Variants in PPP2R2C observed in about 807,000 individuals in gnomAD.
PPP2R2C encodes the protein protein phosphatase 2 regulatory subunit Bgamma, also known as protein phosphatase 2, regulatory subunit B, gamma.
PPP2R2C carries 10 observed loss-of-function variants against 45.3 expected under a neutral mutation model. The ratio of observed to expected loss-of-function variants is 0.22; its 90% confidence interval spans 0.14 to 0.37. PPP2R2C has a LOEUF of 0.37. Among genes scored for constraint, PPP2R2C ranks in the 10% least tolerant of loss-of-function variants. The pLI, the probability that PPP2R2C is intolerant of heterozygous loss-of-function variation, is 1.00. For missense variants in PPP2R2C, 308 were observed against 619.7 expected (o/e 0.50, Z 5.34); for synonymous variants, 257 against 245.4 (o/e 1.05, Z -0.44).
chr4:6,554,957 A>AAG (rs1396627396), intron 1 of PPP2R2C, among the ~76,000 whole-genome samples: 3,090 of 124,412 alleles, frequency 0.025, 26 homozygotes, highest in Admixed American at 0.042. Flanking sequence ...GAAAGAAAGA[A>AAG]AGAAAGAAAG....
intron 6 of PPP2R2C, among the ~76,000 whole-genome samples, chr4:6,334,898 C>T (rs1732722634): frequency 2.6e-5 from 4 of 152,290 alleles, no homozygotes; most frequent in South Asian, 4.1e-4. Context: ...GCCACAAGGG[C>T]TCGTGTCCTG....
intron 1 of PPP2R2C, among the ~76,000 whole-genome samples, chr4:6,390,357 C>T (rs1716524219): frequency 6.6e-6 from 1 of 152,180 alleles, no homozygotes; most frequent in African/African-American, 2.4e-5. Context: ...TTCCAGACTG[C>T]CCTGTGAAGG....
Position 6,396,660 on chromosome 4 carries a change from T to C in PPP2R2C, c.71-15566A>G, listed in dbSNP as rs1717053981. Among the ~76,000 whole-genome samples the C allele has an allele frequency of 4.6e-5, 7 of 152,248 alleles. No individual in the cohort carries two copies. The South Asian group carries it at 1.4e-3, about 31-fold the overall frequency. ...CCATGATCTCATTTAAGGGTGTTGATGATGCCTTAAGGTGTGGGCATTATT... is the reference window on the plus strand; with the variant it reads ...CCATGATCTCATTTAAGGGTGTTGACGATGCCTTAAGGTGTGGGCATTATT... On this transcript the variant is annotated intron_variant, in intron 1 of 8. Transcript: ENST00000382599.
chr4:6,537,610 G>A (rs1289171351), intron 1 of PPP2R2C, among the ~76,000 whole-genome samples: 1 of 150,050 alleles, frequency 6.7e-6, no homozygotes, highest in East Asian at 2.0e-4. Context: ...GAGTGCAGTG[G>A]TGCCATCTCG....
At chr4:6,485,123 A>G (rs779800449) in intron 2 of PPP2R2C, among the ~76,000 whole-genome samples, 1 of 151,932 alleles carries the variant, frequency 6.6e-6, no homozygotes, top group Admixed American at 6.5e-5. Flanking sequence ...TATCAAGAAT[A>G]AAGGTTGGTT....
chr4:6,327,026 G>A (rs527884740), intron 8 of PPP2R2C, among the ~76,000 whole-genome samples: 2 of 152,202 alleles, frequency 1.3e-5, no homozygotes, highest in Non-Finnish European at 2.9e-5. Context: ...GCAGGACCCA[G>A]GGTCTGTTTA....
intron 1 of PPP2R2C, among the ~76,000 whole-genome samples, chr4:6,423,583 A>G (rs1461221024): frequency 6.6e-6 from 1 of 152,270 alleles, no homozygotes; most frequent in Non-Finnish European, 1.5e-5. Flanking sequence ...GGGGAGGCGA[A>G]GCCCAAACAG....
chr4:6,481,920 A>G (rs1385322473), intron 2 of PPP2R2C, among the ~76,000 whole-genome samples: 1 of 137,718 alleles, frequency 7.3e-6, no homozygotes, highest in East Asian at 2.2e-4. Context: ...CAGAGGCTGC[A>G]GTGAGCCGAG....
At chr4:6,453,411 C>T (rs1423786486) in intron 1 of PPP2R2C, among the ~76,000 whole-genome samples, 1 of 152,192 alleles carries the variant, frequency 6.6e-6, no homozygotes, top group African/African-American at 2.4e-5. Flanking sequence ...CCAGCCACCC[C>T]AGCTCTGCCT....
At chr4:6,547,874 G>T (rs749464753) in intron 1 of PPP2R2C, among the ~76,000 whole-genome samples, 7 of 152,090 alleles carry the variant, frequency 4.6e-5, no homozygotes, top group Non-Finnish European at 8.8e-5. Context: ...TCTCAGATAA[G>T]CACATAAAAA....
chr4:6,493,862 C>A (rs1278124577), intron 2 of PPP2R2C, among the ~76,000 whole-genome samples: 3 of 152,170 alleles, frequency 2.0e-5, no homozygotes, highest in African/African-American at 4.8e-5. Context: ...AATCACACAG[C>A]CTCGGTGTAT....
chr4:6,395,498 C>T (rs548392269), intron 1 of PPP2R2C, among the ~76,000 whole-genome samples: 3 of 152,204 alleles, frequency 2.0e-5, no homozygotes, highest in Non-Finnish European at 4.4e-5. Flanking sequence ...TGTGGAGAGG[C>T]TCCGTGTCTC....
At chr4:6,475,254 C>T (rs554347403), upstream of PPP2R2C, among the ~76,000 whole-genome samples, 36 of 151,114 alleles carry the variant, frequency 2.4e-4, no homozygotes, top group South Asian at 5.5e-3. Flanking sequence ...TAGAAAGGAA[C>T]GGGGAGGAGG....
Position 6,345,324 on chromosome 4 carries a change from G to A in PPP2R2C, c.790+2522C>T, listed in dbSNP as rs549473922. Among the ~76,000 whole-genome samples the A allele has an allele frequency of 6.6e-6, 1 of 152,306 alleles. No individual in the cohort carries two copies. The highest frequency in any genetic ancestry group is 6.5e-5 in the Admixed American group (1 of 15,296). ...CGGGAGGCGTAGGTGGGGGGGCAGT[G>A]TCCTGTAGTAGGCGGTGGAACGGCC... On this transcript the variant is annotated intron_variant, in intron 6 of 8. Coordinates refer to ENST00000382599, the MANE Select transcript of PPP2R2C (RefSeq NM_020416.4). The surrounding 1 kb of genome is among the most constrained non-coding windows in gnomAD (Gnocchi z 5.3).
chr4:6,390,236 C>A (rs58960361), intron 1 of PPP2R2C, among the ~76,000 whole-genome samples: 35,576 of 151,726 alleles, frequency 0.23, 4,627 homozygotes, highest in African/African-American at 0.36. Flanking sequence ...GCTGGGGGTG[C>A]ACACACTGTG....
intron 2 of PPP2R2C, among the ~76,000 whole-genome samples, chr4:6,492,517 T>G (rs985968258): frequency 6.6e-6 from 1 of 151,986 alleles, no homozygotes; most frequent in African/African-American, 2.4e-5. Context: ...CAAGTGTGAG[T>G]GAAAGTCAGT....
In PPP2R2C at chr4:6,554,930, G is replaced by A. The variant is rs55892582; in HGVS notation, c.-59+8630C>T. Among the ~76,000 whole-genome samples, 269 of 116,086 alleles carry A rather than the reference G, an allele frequency of 2.3e-3. 1 individual carries two copies. Among genetic ancestry groups the A allele is most frequent in the South Asian group, 8.7e-3 (32 of 3,668 alleles). 76.2% of individuals were successfully genotyped at this position (116,086 alleles called of 152,430 possible). Reference sequence around the variant, plus strand: ...AGGAAGGAAGGAAGGAAGGAAGGAAGGAAAGAAAGAAAGAAAGAAAGAAAG... The same window carrying A: ...AGGAAGGAAGGAAGGAAGGAAGGAAAGAAAGAAAGAAAGAAAGAAAGAAAG... On this transcript the variant is annotated intron_variant, in intron 1 of 9. Transcript: ENST00000506140.
chr4:6,455,762 G>A (rs536172748), intron 1 of PPP2R2C, among the ~76,000 whole-genome samples: 1 of 152,116 alleles, frequency 6.6e-6, no homozygotes, highest in East Asian at 1.9e-4. Flanking sequence ...GTAAGTGAAC[G>A]CTCCACCAAC....
chr4:6,360,285 G>A (rs1041934972), intron 5 of PPP2R2C, among the ~76,000 whole-genome samples: 20 of 152,228 alleles, frequency 1.3e-4, no homozygotes, highest in Non-Finnish European at 1.8e-4. Context: ...TGGAGTAAAC[G>A]CATTTCCACA....
Sources: allele counts gnomAD v4.1 joint callset (sites outside exome capture counted in the v4.1 genomes callset), GRCh38; gene constraint gnomAD v4.1.1; non-coding constraint Gnocchi (gnomAD v3.1); transcripts MANE v1.5; gene names NCBI Gene and HGNC (gene_info 2026-07-23, HGNC 2026-07-21).